The following SLC22A14 variants were observed in gnomAD, a reference collection of about 807,000 sequenced individuals.
SLC22A14 encodes the protein organic cation transporter-like 4.
Under a neutral mutation model 53.9 loss-of-function variants are expected in SLC22A14, and 50 were observed. The observed-to-expected ratio is 0.93, with a 90% CI of 0.74 to 1.17. The LOEUF (loss-of-function observed/expected upper bound fraction) is 1.17. Among genes scored for constraint, SLC22A14 ranks in the 50% most tolerant of loss-of-function variants. The probability of loss-of-function intolerance (pLI) is 0.00; values close to 1 mark genes in which losing one functional copy is unlikely to be tolerated. For synonymous variants in SLC22A14, 312 were observed against 303.0 expected, an observed-to-expected ratio of 1.03 and a Z score of -0.31; for missense variants, 671 against 734.7, an observed-to-expected ratio of 0.91 and a Z score of 1.00.
chr3:38,309,051 C>A lies in SLC22A14; in HGVS notation c.873C>A (p.Tyr291Ter). The change falls in exon 5 of 11, where the codon TAC (tyrosine) becomes TAA (stop). Residue 291 changes from tyrosine (Y) to a stop codon, truncating the protein, a stop_gained. Transcript: ENST00000448498. LOFTEE classifies it high-confidence loss of function. Reference sequence around the variant, plus strand: ...CCGTGTTGCTGACAGGGATCGCCTACAGTCTTCCCCACTGGCAGCTGCTGT... The same window carrying A: ...CCGTGTTGCTGACAGGGATCGCCTAAAGTCTTCCCCACTGGCAGCTGCTGT... Reference protein sequence around the residue: ...VGAVLLTGIAYSLPHWQLLFL... With the variant: ...VGAVLLTGIA 1 of 1,614,048 alleles carries A rather than the reference C, an allele frequency of 6.2e-7. No homozygotes were observed. Among genetic ancestry groups the A allele is most frequent in the Admixed American group, 1.7e-5 (1 of 60,032 alleles).
chr3:38,302,448 G>C (rs1197037832), intron 1 of SLC22A14, among the ~76,000 whole-genome samples: 1 of 151,534 alleles, frequency 6.6e-6, no homozygotes, highest in Non-Finnish European at 1.5e-5. Context: ...CTTGAGCTCA[G>C]GAGTTCCAGA....
chr3:38,292,181 C>T (rs58670130), intron 1 of SLC22A14, among the ~76,000 whole-genome samples: 9,769 of 152,194 alleles, frequency 0.064, 375 homozygotes, highest in East Asian at 0.16. Flanking sequence ...CAAGAGTGTC[C>T]AGGTATGAGA....
chr3:38,287,289 C>T (rs1215551733), intron 1 of SLC22A14, among the ~76,000 whole-genome samples: 1 of 151,904 alleles, frequency 6.6e-6, no homozygotes, highest in Admixed American at 6.6e-5. Context: ...TCTTATATAC[C>T]TGTAGTCAAA....
intron 5 of SLC22A14, among the ~76,000 whole-genome samples, chr3:38,310,449 C>T (rs168958): frequency 0.44 from 67,361 of 151,930 alleles, 15,052 homozygotes; most frequent in Middle Eastern, 0.55. Context: ...CCTGGCCCCT[C>T]GCTCAGGATA....
chr3:38,307,599 G>C lies in SLC22A14; in HGVS notation c.654G>C (p.Leu218=). 1 of 1,614,208 alleles carries C rather than the reference G, an allele frequency of 6.2e-7. No homozygotes were observed. Among genetic ancestry groups the C allele is most frequent in the East Asian group, 2.2e-5 (1 of 44,888 alleles). Residue 218 remains leucine, a synonymous_variant, in exon 4 of 11, where the codon CTG becomes CTC. Coordinates refer to ENST00000448498, the MANE Select transcript of SLC22A14 (RefSeq NM_001320033.2). The surrounding 1 kb of genome is among the most constrained non-coding windows in gnomAD (Gnocchi z 4.4). ...MGRYPAILLS[L]LGLIIFGFGT... is the part of the protein sequence containing the mutation. Reference sequence around the variant, plus strand: ...GCTACCCTGCCATCCTGCTGTCACTGCTGGGGCTGATCATCTTCGGCTTTG... The same window carrying C: ...GCTACCCTGCCATCCTGCTGTCACTCCTGGGGCTGATCATCTTCGGCTTTG...
At chr3:38,288,046 C>T (rs552318855) in intron 1 of SLC22A14, among the ~76,000 whole-genome samples, 14 of 152,272 alleles carry the variant, frequency 9.2e-5, no homozygotes, top group Non-Finnish European at 1.5e-4. Flanking sequence ...ATCTCCGGAA[C>T]GATTTCATTT....
chr3:38,282,470 G>T (rs1002304679), intron 1 of SLC22A14, 131 bp downstream of exon 1: 1 of 152,580 alleles, frequency 6.6e-6, no homozygotes, highest in Non-Finnish European at 1.5e-5. Flanking sequence ...ACAGGAGCCT[G>T]CCTGGGCCTG....
chr3:38,313,472 A>T lies in SLC22A14; in HGVS notation c.1150A>T (p.Met384Leu). The change falls in exon 7 of 11, where the codon ATG (methionine) becomes TTG (leucine). Residue 384 changes from methionine to leucine, a missense_variant. Transcript: ENST00000448498. ...GCAGCTCTGCAAGGTGACCTTGGTG[A>T]TGAGCTGTGTGTGGTGAGTATCCAG... is the stretch of plus-strand genomic sequence containing the variant. The part of the protein sequence containing the change: ...NRQLCKVTLV[M>L]SCVWFTVSYT... The T allele has an allele frequency of 6.2e-7, 1 of 1,611,464 alleles. No homozygotes were observed.
intron 1 of SLC22A14, among the ~76,000 whole-genome samples, chr3:38,288,773 G>A (rs1272329170): frequency 1.3e-5 from 2 of 152,022 alleles, no homozygotes; most frequent in Non-Finnish European, 1.5e-5. Flanking sequence ...TGGGTGTCTT[G>A]TATGTATTTT....
intron 1 of SLC22A14, among the ~76,000 whole-genome samples, chr3:38,298,106 A>G (rs1704079780): frequency 6.6e-6 from 1 of 152,182 alleles, no homozygotes; most frequent in Admixed American, 6.5e-5. Context: ...GTTATAACAT[A>G]TTACTATCAT....
chr3:38,302,330 TTA>T (rs5848406), intron 1 of SLC22A14, among the ~76,000 whole-genome samples: 1 of 144,386 alleles, frequency 6.9e-6, no homozygotes, highest in African/African-American at 2.5e-5. Context: ...ACATATATAT[TTA>T]TATATATATT....
At chr3:38,289,265 G>T (rs1446890036) in intron 1 of SLC22A14, among the ~76,000 whole-genome samples, 1 of 151,242 alleles carries the variant, frequency 6.6e-6, no homozygotes, top group Non-Finnish European at 1.5e-5. Flanking sequence ...CCTAATGTTG[G>T]CATCTTACTT....
chr3:38,302,611 T>C (rs967242587), intron 1 of SLC22A14, among the ~76,000 whole-genome samples: 8 of 152,128 alleles, frequency 5.3e-5, no homozygotes, highest in African/African-American at 1.9e-4. Context: ...AAGCCGAGAC[T>C]GTGCCACTGC....
chr3:38,313,191 T>C (rs1188881864), intron 6 of SLC22A14, 72 bp downstream of exon 6: 10 of 1,583,462 alleles, frequency 6.3e-6, no homozygotes, highest in African/African-American at 2.7e-5. Context: ...CCTCATCCTT[T>C]CAGGTGGGAC....
intron 4 of SLC22A14, chr3:38,308,253 GAA>G (rs1491355587): frequency 3.3e-4 from 51 of 155,908 alleles, no homozygotes; most frequent in African/African-American, 8.9e-4. Flanking sequence ...AGGAGGAGGA[GAA>G]GAAGAAGAAG....
At chr3:38,292,232 G>A (rs572177320) in intron 1 of SLC22A14, among the ~76,000 whole-genome samples, 1 of 152,218 alleles carries the variant, frequency 6.6e-6, no homozygotes, top group Admixed American at 6.5e-5. Flanking sequence ...CAAATAGATG[G>A]GGGCTATATC....
intron 8 of SLC22A14, 112 bp from the exon 9 acceptor site, chr3:38,315,446 A>C: frequency 8.8e-7 from 1 of 1,140,600 alleles, no homozygotes; most frequent in South Asian, 1.5e-5. Flanking sequence ...CTCCTCTGAC[A>C]GAATGCCTGA....
At chr3:38,304,759 T>A (rs1362355971) in intron 1 of SLC22A14, among the ~76,000 whole-genome samples, 2 of 152,236 alleles carry the variant, frequency 1.3e-5, no homozygotes, top group African/African-American at 4.8e-5. Flanking sequence ...TTCATTGCAA[T>A]GTGTCTAGCC....
chr3:38,307,800 G>A lies in SLC22A14; in HGVS notation c.775+80G>A. The A allele has an allele frequency of 6.6e-7, 1 of 1,513,050 alleles. No homozygotes were observed. The highest frequency in any genetic ancestry group is 9.1e-7 in the Non-Finnish European group (1 of 1,102,314). 93.7% of individuals were successfully genotyped at this position (1,513,050 alleles called of 1,614,324 possible). A position where few individuals can be genotyped will look rare whatever the true frequency, so the allele number is the denominator to read the frequency against. Reference sequence around the variant, plus strand: ...AGGCGGGTGACAAGGGGACATAGTGGCAGGGGGCGTGGCGGCATAGGCAGA... The same window carrying A: ...AGGCGGGTGACAAGGGGACATAGTGACAGGGGGCGTGGCGGCATAGGCAGA... On this transcript the variant is annotated intron_variant, in intron 4 of 10. Transcript: ENST00000448498. The surrounding 1 kb of genome is among the most constrained non-coding windows in gnomAD (Gnocchi z 4.4).
Sources: allele counts gnomAD v4.1 joint callset (sites outside exome capture counted in the v4.1 genomes callset), GRCh38; gene constraint gnomAD v4.1.1; non-coding constraint Gnocchi (gnomAD v3.1); transcripts MANE v1.5; gene names NCBI Gene and HGNC (gene_info 2026-07-23, HGNC 2026-07-21).